Variants in GPR78 observed in about 807,000 individuals in gnomAD.
GPR78 encodes the protein G protein-coupled receptor 78.
GPR78 carries 29 observed loss-of-function variants against 17.9 expected under a neutral mutation model. The observed-to-expected ratio is 1.62, with a 90% CI of 1.20 to 2.21. GPR78 has a LOEUF of 2.21. Among genes scored for constraint, GPR78 ranks in the 30% most tolerant of loss-of-function variants. The pLI, the probability that GPR78 is intolerant of heterozygous loss-of-function variation, is 0.00. For missense variants in GPR78, 649 were observed against 530.5 expected, an observed-to-expected ratio of 1.22 and a Z score of -2.19; for synonymous variants, 349 against 256.9, an observed-to-expected ratio of 1.36 and a Z score of -3.43.
chr4:8,581,434 G>C lies in GPR78; in HGVS notation c.452G>C (p.Ser151Thr). 6.3e-7 allele frequency: 1 copy of C among 1,588,768 alleles called. No homozygotes were observed. Among genetic ancestry groups the C allele is most frequent in the Non-Finnish European group, 8.5e-7 (1 of 1,175,238 alleles). ...GGCTGCTCGTGGCTTGGCTACAGCA[G>C]CGCCTTCGCGTCCTGTTCGCTGCGC... ...ALGCSWLGYS[S>T]AFASCSLRLP... Residue 151 changes from serine to threonine, a missense_variant, in exon 1 of 3, where the codon AGC (serine) becomes ACC (threonine). Physicochemically the swap from Ser to Thr is moderately conservative, Grantham distance 58. Coordinates refer to ENST00000382487, the MANE Select transcript of GPR78 (RefSeq NM_080819.5).
At position 8,587,224 on chromosome 4, in the gene GPR78, G is replaced by A. The variant is rs113328127; in HGVS notation, c.953G>A (p.Arg318His). Residue 318 changes from arginine (R) to histidine (H), a missense_variant, in exon 3 of 3, where the codon CGC (arginine) becomes CAC (histidine). Coordinates refer to ENST00000382487, the MANE Select transcript of GPR78 (RefSeq NM_080819.5). ...CACCGGCTGCTGAAGAGAACCCCGCGCCCAGCATCCACCCATGACAGCTCT... is the reference window on the plus strand; with the variant it reads ...CACCGGCTGCTGAAGAGAACCCCGCACCCAGCATCCACCCATGACAGCTCT... ...MVHRLLKRTP[R>H]PASTHDSSLD... The A allele has an allele frequency of 1.1e-5, 18 of 1,606,640 alleles. No homozygotes were observed. The highest frequency in any genetic ancestry group is 8.0e-5 in the African/African-American group (6 of 74,934).
chr4:8,580,649 C>G lies in GPR78; in HGVS notation c.-334C>G. On this transcript the variant is annotated 5_prime_UTR_variant, in exon 1 of 3. Transcript: ENST00000382487. ...TGTTAGGAAAGAGACCTCCCTCGCC[C>G]CTACGCCCCGCGCCCCTGCGCCTCG... The G allele has an allele frequency of 2.4e-6, 1 of 419,364 alleles. No homozygotes were observed. Among genetic ancestry groups the G allele is most frequent in the East Asian group, 4.0e-5 (1 of 24,962 alleles). The allele number at this position is 419,364 out of a possible 1,614,324, so 26.0% of individuals were successfully genotyped here. A position where few individuals can be genotyped will look rare whatever the true frequency, so the allele number is the denominator to read the frequency against.
chr4:8,587,136 G>A lies in GPR78; in HGVS notation c.865G>A (p.Ala289Thr), dbSNP rs1346289551. 3.1e-6 allele frequency: 5 copies of A among 1,613,254 alleles called. No homozygotes were observed. In the African/African-American group the frequency reaches 5.3e-5, roughly 17 times the overall value. ...SKCLTYSKAV[A>T]DPFTYSLLRR... is the part of the protein sequence containing the mutation. The stretch of plus-strand genomic sequence containing the variant: ...GTGCCTGACCTACAGCAAGGCGGTG[G>A]CCGACCCGTTCACGTACTCTCTGCT... The change falls in exon 3 of 3, where the codon GCC (alanine) becomes ACC (threonine). Residue 289 changes from alanine (A) to threonine (T), a missense_variant. Transcript: ENST00000382487.
rs1388589490 is a variant in GPR78, at chr4:8,582,555, G to C, written c.693G>C (p.Gln231His). ...HPSVRQRCLI[Q>H]QKRRRHRATR... ...GTGTGCGGCAGCGCTGCCTCATCCA[G>C]CAGAAGCGGCGCCGCCACCGCGCCA... Residue 231 changes from glutamine to histidine, a missense_variant, in exon 2 of 3, where the codon CAG becomes CAC. By Grantham distance (24) the Gln-to-His change is conservative (BLOSUM62 0). Transcript: ENST00000382487. The C allele has an allele frequency of 6.2e-7, 1 of 1,610,100 alleles. No homozygotes were observed. Among genetic ancestry groups the C allele is most frequent in the African/African-American group, 1.3e-5 (1 of 74,904 alleles).
At chr4:8,586,316 G>A (rs1270080748) in intron 2 of GPR78, among the ~76,000 whole-genome samples, 1 of 152,186 alleles carries the variant, frequency 6.6e-6, no homozygotes, top group Non-Finnish European at 1.5e-5. Flanking sequence ...AAAGCACTGG[G>A]CTCAGACACA....
rs142614979 is a variant in GPR78, at chr4:8,589,179, G to T, written c.*1816G>T. Among the ~76,000 whole-genome samples the T allele has an allele frequency of 0.011, 1,698 of 152,142 alleles. 29 individuals are homozygous for T. The highest frequency in any genetic ancestry group is 0.039 in the African/African-American group (1,602 of 41,500). On this transcript the variant is annotated 3_prime_UTR_variant, in exon 3 of 3. Coordinates refer to ENST00000382487, the MANE Select transcript of GPR78 (RefSeq NM_080819.5). ...AGCCACCACACCCAGCCAAAACCAG[G>T]TGTTATTTGCTGACTCACCAATGCC... is the stretch of plus-strand genomic sequence containing the variant.
rs1193818106 is a variant in GPR78, at chr4:8,588,540, C to G, written c.*1177C>G. Among the ~76,000 whole-genome samples the G allele has an allele frequency of 6.6e-6, 1 of 152,248 alleles. No individual in the cohort carries two copies. The highest frequency in any genetic ancestry group is 1.5e-5 in the Non-Finnish European group (1 of 68,050). ...AGTGAATGAATGGACACGATTCTCT[C>G]TTCAGCCTCTGTCATTGCTGTTTTC... On this transcript the variant is annotated 3_prime_UTR_variant, in exon 3 of 3. Transcript: ENST00000382487.
rs760703751 is a variant in GPR78, at chr4:8,589,458, C to A, written c.*2095C>A. The stretch of plus-strand genomic sequence containing the variant: ...CTGGTTCACAGAGGGCACGTGAACT[C>A]GAGACCGTGCTGCACCCCGGTGCCC... On this transcript the variant is annotated 3_prime_UTR_variant, in exon 3 of 3. Coordinates refer to ENST00000382487, the MANE Select transcript of GPR78 (RefSeq NM_080819.5). 3.3e-5 allele frequency among the ~76,000 whole-genome samples: 5 copies of A among 152,054 alleles called. No individual in the cohort carries two copies. The East Asian group carries it at 9.7e-4, about 29-fold the overall frequency.
Position 8,580,838 on chromosome 4 carries a change from C to A in GPR78, c.-145C>A. On this transcript the variant is annotated 5_prime_UTR_variant, in exon 1 of 3. Coordinates refer to ENST00000382487, the MANE Select transcript of GPR78 (RefSeq NM_080819.5). ...CCTGCACTTGCCGCCGCTTTCCTCG[C>A]GCTGCTCTGGACCTTGCTAGCCGGC... The A allele has an allele frequency of 1.3e-6, 1 of 792,260 alleles. No homozygotes were observed. Among genetic ancestry groups the A allele is most frequent in the Admixed American group, 3.1e-5 (1 of 32,422 alleles). 49.1% of individuals were successfully genotyped at this position (792,260 alleles called of 1,614,324 possible). A position where few individuals can be genotyped will look rare whatever the true frequency, so the allele number is the denominator to read the frequency against.
In GPR78 at chr4:8,588,629, C is replaced by T. The variant is rs1713612747; in HGVS notation, c.*1266C>T. On this transcript the variant is annotated 3_prime_UTR_variant, in exon 3 of 3. Coordinates refer to ENST00000382487, the MANE Select transcript of GPR78 (RefSeq NM_080819.5). ...GCTGCAAGACCTCAGGCCCCTGCCT[C>T]ATGGGACTCTCTGATGGGCTTCAAC... Among the ~76,000 whole-genome samples the T allele has an allele frequency of 6.6e-6, 1 of 152,206 alleles. No homozygotes were observed.
intron 2 of GPR78, among the ~76,000 whole-genome samples, chr4:8,583,981 C>T (rs1269944574): frequency 6.6e-6 from 1 of 152,186 alleles, no homozygotes; most frequent in Non-Finnish European, 1.5e-5. Context: ...ACTGTAGCAT[C>T]CTTCTCCCGG....
At position 8,581,219 on chromosome 4, in the gene GPR78, C is replaced by A. The variant is rs1440469116; in HGVS notation, c.237C>A (p.Cys79Ter). Residue 79 changes from cysteine to a stop codon, truncating the protein, a stop_gained, in exon 1 of 3, where the codon TGC becomes TGA. Transcript: ENST00000382487. LOFTEE classifies it high-confidence loss of function. ...RGRTPSAPGA[C>*]QVIGFLDTFL... is the part of the protein sequence containing the mutation. ...GGACACCGTCGGCGCCCGGCGCATG[C>A]CAAGTCATTGGCTTCCTGGACACCT... 2 of 1,598,206 alleles carry A rather than the reference C, an allele frequency of 1.3e-6. No homozygotes were observed. The highest frequency in any genetic ancestry group is 1.7e-6 in the Non-Finnish European group (2 of 1,177,216).
At position 8,588,375 on chromosome 4, in the gene GPR78, C is replaced by T. The variant is rs954808882; in HGVS notation, c.*1012C>T. On this transcript the variant is annotated 3_prime_UTR_variant, in exon 3 of 3. Transcript: ENST00000382487. ...GGGGTGCCATTCCCCGGTGGGAGCA[C>T]CCACCATCAATGTCATTGAATGTCC... 1.3e-5 allele frequency among the ~76,000 whole-genome samples: 2 copies of T among 152,200 alleles called. No homozygotes were observed. The highest frequency in any genetic ancestry group is 2.4e-5 in the African/African-American group (1 of 41,452).
intron 1 of GPR78, 52 bp from the exon 2 acceptor site, chr4:8,582,479 G>A (rs563708354): frequency 2.4e-6 from 3 of 1,272,414 alleles, no homozygotes; most frequent in Non-Finnish European, 3.4e-6. Flanking sequence ...TCTGGGCCTG[G>A]GTTCTGTCCC....
At position 8,585,984 on chromosome 4, in the gene GPR78, G is replaced by T. The variant is rs138412275; in HGVS notation, c.783-1070G>T. Among the ~76,000 whole-genome samples the T allele has an allele frequency of 1.1e-4, 17 of 152,342 alleles. No individual in the cohort carries two copies. The East Asian group carries it at 1.5e-3, about 14-fold the overall frequency. On this transcript the variant is annotated intron_variant, in intron 2 of 2. Coordinates refer to ENST00000382487, the MANE Select transcript of GPR78 (RefSeq NM_080819.5). ...GGACATCCTGGGACAGAAATTCACTGCCTGGGAGATCATCAGGCTGTGGGG... is the reference window on the plus strand; with the variant it reads ...GGACATCCTGGGACAGAAATTCACTTCCTGGGAGATCATCAGGCTGTGGGG...
intron 2 of GPR78, among the ~76,000 whole-genome samples, chr4:8,583,850 C>T (rs896638729): frequency 1.3e-5 from 2 of 152,224 alleles, no homozygotes; most frequent in African/African-American, 4.8e-5. Flanking sequence ...CTGATCCCAT[C>T]TGGCTTAGGG....
intron 2 of GPR78, among the ~76,000 whole-genome samples, chr4:8,583,503 T>A (rs988482220): frequency 6.6e-6 from 1 of 152,254 alleles, no homozygotes; most frequent in East Asian, 1.9e-4. Context: ...GAGGGGTCCA[T>A]GGCCCTCATC....
intron 2 of GPR78, among the ~76,000 whole-genome samples, chr4:8,586,310 C>T: frequency 6.6e-6 from 1 of 152,210 alleles, no homozygotes; most frequent in East Asian, 1.9e-4. Flanking sequence ...TTCAGAAAAG[C>T]ACTGGGCTCA....
chr4:8,583,365 G>A (rs945491946), intron 2 of GPR78, among the ~76,000 whole-genome samples: 18 of 151,596 alleles, frequency 1.2e-4, no homozygotes, highest in African/African-American at 3.1e-4. Context: ...TTGCTATTAC[G>A]TTTTGCCTTT....
Sources: gnomAD v4.1 joint callset for allele counts (sites outside exome capture counted in the v4.1 genomes callset) on GRCh38, gnomAD v4.1.1 for gene constraint, MANE v1.5 for transcripts, NCBI Gene and HGNC (gene_info 2026-07-23, HGNC 2026-07-21) for gene names.